NFXL1: variants seen among roughly 807,000 people sequenced by gnomAD.
NFXL1 encodes NF-X1-type zinc finger protein NFXL1.
In NFXL1, 66 loss-of-function variants were observed where a neutral mutation model predicts 123.3. That is an observed-to-expected ratio of 0.54 (90% CI 0.44 to 0.66). NFXL1 has a LOEUF of 0.66. Among genes scored for constraint, NFXL1 ranks in the 30% least tolerant of loss-of-function variants. The probability of loss-of-function intolerance (pLI) is 0.00; values close to 1 mark genes in which losing one functional copy is unlikely to be tolerated. For missense variants in NFXL1, 944 were observed against 1,125.6 expected, an observed-to-expected ratio of 0.84 and a Z score of 2.31; for synonymous variants, 346 against 360.8, an observed-to-expected ratio of 0.96 and a Z score of 0.46.
intron 5 of NFXL1, among the ~76,000 whole-genome samples, chr4:47,902,883 C>T (rs931488604): frequency 2.6e-5 from 4 of 152,106 alleles, no homozygotes; most frequent in Non-Finnish European, 5.9e-5. Flanking sequence ...TTAGGCCAGG[C>T]GTGGTGGCGT....
chr4:47,881,240 G>A (rs2110074655), intron 15 of NFXL1, among the ~76,000 whole-genome samples: 1 of 152,170 alleles, frequency 6.6e-6, no homozygotes, highest in South Asian at 2.1e-4. Context: ...TGAGATAATG[G>A]ATACGCTAAT....
At position 47,910,960 on chromosome 4, in the gene NFXL1, C is replaced by G; in HGVS notation, c.270G>C (p.Lys90Asn). 6.2e-7 allele frequency: 1 copy of G among 1,604,374 alleles called. No homozygotes were observed. Residue 90 changes from lysine to asparagine, a missense_variant, in exon 3 of 23, where the codon AAG becomes AAC. This residue lies in a region of NFXL1 where 303 missense variants were observed against 292.1 expected (regional missense o/e 1.04). Transcript: ENST00000507489. ...TTCTGGCTGCAGCTTGGTTAGCTTTCTTGATTTCTTCAAATTTTTTCTGAG... is the reference window on the plus strand; with the variant it reads ...TTCTGGCTGCAGCTTGGTTAGCTTTGTTGATTTCTTCAAATTTTTTCTGAG... ...LMSQKKFEEI[K>N]KANQAAARKL... is the part of the protein sequence containing the mutation.
chr4:47,903,354 G>A, intron 4 of NFXL1, 31 bp from the exon 5 acceptor site: 1 of 1,412,486 alleles, frequency 7.1e-7, no homozygotes, highest in Non-Finnish European at 9.4e-7. Context: ...GTTAATATAT[G>A]TTAATTTTTC....
At chr4:47,860,654 A>G (rs1218174932) in intron 19 of NFXL1, among the ~76,000 whole-genome samples, 1 of 152,238 alleles carries the variant, frequency 6.6e-6, no homozygotes, top group Non-Finnish European at 1.5e-5. Flanking sequence ...GTTTATCAGT[A>G]CATCAGAATT....
In NFXL1 at chr4:47,914,450, C is replaced by G; in HGVS notation, c.-88G>C. 1 of 448,098 alleles carries G rather than the reference C, an allele frequency of 2.2e-6. No individual in the cohort carries two copies. Among genetic ancestry groups the G allele is most frequent in the Non-Finnish European group, 4.0e-6 (1 of 251,300 alleles). 27.8% of individuals were successfully genotyped at this position (448,098 alleles called of 1,614,324 possible). ...CTAGGTACAGAAATAAACCGCGGAG[C>G]AAGAAGCACACAGTGCCGAAGACAG... On this transcript the variant is annotated 5_prime_UTR_variant, in exon 1 of 23. Coordinates refer to ENST00000507489, the MANE Select transcript of NFXL1 (RefSeq NM_001278624.2).
chr4:47,896,665 G>A lies in NFXL1; in HGVS notation c.1205-18C>T. 1 of 1,571,684 alleles carries A rather than the reference G, an allele frequency of 6.4e-7. No individual in the cohort carries two copies. Among genetic ancestry groups the A allele is most frequent in the Non-Finnish European group, 8.7e-7 (1 of 1,144,496 alleles). On this transcript the variant is annotated intron_variant, in intron 9 of 22. Coordinates refer to ENST00000507489, the MANE Select transcript of NFXL1 (RefSeq NM_001278624.2). The stretch of plus-strand genomic sequence containing the variant: ...AGAAAACTCTAAAAACATACAAAAA[G>A]TCAATGTTAATAATGAGACATTATT...
chr4:47,908,422 C>CAAAAA (rs10712553), intron 3 of NFXL1, among the ~76,000 whole-genome samples: 1 of 145,208 alleles, frequency 6.9e-6, no homozygotes. Flanking sequence ...AGACTGTCTC[C>CAAAAA]AAAAAAAAAA....
chr4:47,908,954 C>CAAA (rs11457014), intron 3 of NFXL1, among the ~76,000 whole-genome samples: 99 of 90,076 alleles, frequency 1.1e-3, no homozygotes, highest in African/African-American at 1.2e-3. Context: ...GACTCCGTCG[C>CAAA]AAAAAAAAAA....
chr4:47,860,256 A>G (rs1222487658), intron 19 of NFXL1, among the ~76,000 whole-genome samples: 1 of 152,062 alleles, frequency 6.6e-6, no homozygotes, highest in African/African-American at 2.4e-5. Flanking sequence ...TTGAACATTT[A>G]AAAAAAATAA....
chr4:47,913,833 G>C, intron 2 of NFXL1, 136 bp downstream of exon 2: 1 of 565,756 alleles, frequency 1.8e-6, no homozygotes, highest in Non-Finnish European at 3.0e-6. Context: ...CGAAAGGCTG[G>C]AGAAGTGGGC....
At chr4:47,899,773 T>G (rs1160326349) in intron 5 of NFXL1, among the ~76,000 whole-genome samples, 2 of 152,254 alleles carry the variant, frequency 1.3e-5, no homozygotes, top group African/African-American at 4.8e-5. Flanking sequence ...AGTTTTATAC[T>G]GGGATTGTCC....
At chr4:47,912,809 C>T (rs1359397079) in intron 2 of NFXL1, among the ~76,000 whole-genome samples, 3 of 143,540 alleles carry the variant, frequency 2.1e-5, no homozygotes, top group Admixed American at 1.4e-4. Context: ...CTGGCTAACA[C>T]GGTGAAACCC....
Position 47,899,406 on chromosome 4 carries a change from G to T in NFXL1, c.790C>A (p.Pro264Thr). 6.2e-7 allele frequency: 1 copy of T among 1,613,900 alleles called. No homozygotes were observed. The highest frequency in any genetic ancestry group is 8.5e-7 in the Non-Finnish European group (1 of 1,179,888). ...AGGAGTAAACATTTATGGCCACAAG[G>T]AGGTTTAAATTCACGCTCACATACT... ...GQVCEREFKP[P>T]CGHKCLLLCH... is the part of the protein sequence containing the mutation. The change falls in exon 6 of 23, where the codon CCT becomes ACT. Residue 264 changes from proline to threonine, a missense_variant. Physicochemically the swap from Pro to Thr is conservative, Grantham distance 38. Around this residue, in one of 4 missense-constraint regions of NFXL1, gnomAD observed 296 missense variants for 395.1 expected, o/e 0.75. Coordinates refer to ENST00000507489, the MANE Select transcript of NFXL1 (RefSeq NM_001278624.2).
At position 47,899,497 on chromosome 4, in the gene NFXL1, A is replaced by G. The variant is rs1346013916; in HGVS notation, c.699T>C (p.Tyr233=). The change falls in exon 6 of 23, where the codon TAT becomes TAC. Residue 233 remains tyrosine (Y), a synonymous_variant. Transcript: ENST00000507489. ...YKRSETPSRY[Y]CYCGKVEDPP... ...GATCTTCTACTTTTCCACAATAGCA[A>G]TAGTACCTACTAGGTGTTTCAGATC... 1 of 1,613,190 alleles carries G rather than the reference A, an allele frequency of 6.2e-7. No homozygotes were observed. Among genetic ancestry groups the G allele is most frequent in the Non-Finnish European group, 8.5e-7 (1 of 1,179,136 alleles).
intron 21 of NFXL1, 146 bp from the exon 22 acceptor site, chr4:47,851,294 G>T: frequency 1.6e-6 from 1 of 634,608 alleles, no homozygotes; most frequent in South Asian, 1.9e-5. Context: ...GCTATACTGA[G>T]ACAAGGTTTT....
chr4:47,881,066 T>C (rs12507439), intron 15 of NFXL1, among the ~76,000 whole-genome samples: 52,896 of 151,788 alleles, frequency 0.35, 9,648 homozygotes, highest in East Asian at 0.59. Context: ...ACTACTGTTA[T>C]CTATTGTTAA....
At position 47,884,407 on chromosome 4, in the gene NFXL1, A is replaced by G; in HGVS notation, c.1855T>C (p.Ser619Pro). The G allele has an allele frequency of 1.9e-6, 3 of 1,612,018 alleles. No homozygotes were observed. Among genetic ancestry groups the G allele is most frequent in the Non-Finnish European group, 2.5e-6 (3 of 1,178,322 alleles). Residue 619 changes from serine to proline, a missense_variant, in exon 15 of 23, where the codon TCT becomes CCT. Physicochemically the swap from Ser to Pro is moderately conservative, Grantham distance 74. Coordinates refer to ENST00000507489, the MANE Select transcript of NFXL1 (RefSeq NM_001278624.2). ...HQPTGPWEQP[S>P]EPAFIQTALP... Reference sequence around the variant, plus strand: ...GCAGTCTGAATAAATGCTGGCTCAGAAGGCTGTTCCCAAGGGCCTGTAGGC... The same window carrying G: ...GCAGTCTGAATAAATGCTGGCTCAGGAGGCTGTTCCCAAGGGCCTGTAGGC...
chr4:47,913,451 A>C (rs1436515581), intron 2 of NFXL1, among the ~76,000 whole-genome samples: 1 of 152,234 alleles, frequency 6.6e-6, no homozygotes, highest in Non-Finnish European at 1.5e-5. Flanking sequence ...AAAGGTAAAG[A>C]TGACAAATGA....
chr4:47,857,126 T>C (rs777453500), intron 19 of NFXL1, among the ~76,000 whole-genome samples: 5 of 152,208 alleles, frequency 3.3e-5, no homozygotes, highest in Non-Finnish European at 7.3e-5. Context: ...TGTATGTATT[T>C]ATAGGGCACA....
Sources: gnomAD v4.1 joint callset for allele counts (sites outside exome capture counted in the v4.1 genomes callset) on GRCh38, gnomAD v4.1.1 for gene constraint, gnomAD v4.1.1 regional missense constraint, MANE v1.5 for transcripts, NCBI Gene and HGNC (gene_info 2026-07-23, HGNC 2026-07-21) for gene names.